ZFAND3: variants seen among roughly 807,000 people sequenced by gnomAD.
ZFAND3 encodes the protein zinc finger AN1-type containing 3.
In ZFAND3, 10 loss-of-function variants were observed where a neutral mutation model predicts 29.6. That is an observed-to-expected ratio of 0.34 (90% CI 0.21 to 0.57). The LOEUF (loss-of-function observed/expected upper bound fraction) is 0.57. Ranked by LOEUF, ZFAND3 falls within the 20% of genes least tolerant of loss-of-function variation. The pLI is 0.86. For missense variants in ZFAND3, 230 were observed against 304.5 expected, an observed-to-expected ratio of 0.76 and a Z score of 1.82; for synonymous variants, 128 against 112.6, an observed-to-expected ratio of 1.14 and a Z score of -0.87.
intron 4 of ZFAND3, among the ~76,000 whole-genome samples, chr6:38,103,895 G>A (rs73421810): frequency 0.068 from 10,402 of 152,220 alleles, 427 homozygotes; most frequent in Non-Finnish European, 0.087. Context: ...AAACATCAAT[G>A]CATTGTAATG....
chr6:38,088,751 A>G (rs1447836343), intron 4 of ZFAND3, among the ~76,000 whole-genome samples: 1 of 152,222 alleles, frequency 6.6e-6, no homozygotes, highest in Non-Finnish European at 1.5e-5. Context: ...AGACTTGAAA[A>G]AGGATGGTTA....
intron 2 of ZFAND3, among the ~76,000 whole-genome samples, chr6:38,007,382 CA>C (rs1476729041): frequency 1.3e-5 from 2 of 151,862 alleles, no homozygotes; most frequent in East Asian, 3.9e-4. Context: ...TCCATCTCTA[CA>C]AAAAATACAA....
At chr6:38,144,206 TATATAATATATAATATA>T (rs1766041804) in intron 5 of ZFAND3, among the ~76,000 whole-genome samples, 4 of 44,274 alleles carry the variant, frequency 9.0e-5, no homozygotes, top group East Asian at 6.4e-4. Context: ...TATATATATA[TATATAATATATAATATA>T]TATATATATT....
intron 1 of ZFAND3, among the ~76,000 whole-genome samples, chr6:37,857,327 A>G (rs925239180): frequency 6.6e-6 from 1 of 152,224 alleles, no homozygotes; most frequent in Non-Finnish European, 1.5e-5. Flanking sequence ...GAAACATATA[A>G]CATGATAAAT....
chr6:37,833,126 C>A (rs1198913500), intron 1 of ZFAND3: 1 of 152,164 alleles, frequency 6.6e-6, no homozygotes, highest in Non-Finnish European at 1.5e-5. Flanking sequence ...TGCAGTACTG[C>A]CCAGAACTCC....
intron 1 of ZFAND3, among the ~76,000 whole-genome samples, chr6:37,841,411 A>G (rs1421031617): frequency 6.6e-6 from 1 of 152,206 alleles, no homozygotes; most frequent in Non-Finnish European, 1.5e-5. Context: ...TGTAGACTCA[A>G]TACATTTACC....
chr6:37,921,576 TATAAG>T (rs1460916485), intron 1 of ZFAND3, among the ~76,000 whole-genome samples: 13 of 152,084 alleles, frequency 8.5e-5, no homozygotes, highest in East Asian at 3.8e-4. Context: ...AGGAAAATAT[TATAAG>T]ATGTTTCCAG....
chr6:37,875,841 T>A (rs897518350), intron 1 of ZFAND3, among the ~76,000 whole-genome samples: 90 of 151,870 alleles, frequency 5.9e-4, no homozygotes, highest in African/African-American at 1.5e-3. Context: ...GATTTTTTTT[T>A]TTTTTTATTG....
At chr6:38,101,244 C>T (rs76069298) in intron 4 of ZFAND3, among the ~76,000 whole-genome samples, 4,048 of 152,214 alleles carry the variant, frequency 0.027, 195 homozygotes, top group African/African-American at 0.091. Flanking sequence ...ATGGAGTTCT[C>T]TTTTTTTATA....
chr6:37,922,583 A>G (rs1285390816), intron 1 of ZFAND3, among the ~76,000 whole-genome samples: 1 of 152,216 alleles, frequency 6.6e-6, no homozygotes, highest in East Asian at 1.9e-4. Flanking sequence ...CATTGTGGAA[A>G]CAAATGTTGA....
At chr6:37,955,407 C>G (rs775431560) in intron 2 of ZFAND3, among the ~76,000 whole-genome samples, 16 of 152,156 alleles carry the variant, frequency 1.1e-4, no homozygotes, top group Non-Finnish European at 2.1e-4. Context: ...TTTTAAGGGA[C>G]TTTCCGCTGT....
chr6:38,109,244 G>A (rs551424113), intron 4 of ZFAND3, among the ~76,000 whole-genome samples: 3 of 149,044 alleles, frequency 2.0e-5, no homozygotes, highest in East Asian at 2.0e-4. Flanking sequence ...GTGCAATGGC[G>A]CGATCTTGGC....
intron 2 of ZFAND3, among the ~76,000 whole-genome samples, chr6:37,955,413 G>A (rs762866509): frequency 3.3e-5 from 5 of 152,262 alleles, no homozygotes; most frequent in South Asian, 2.1e-4. Context: ...GGGACTTTCC[G>A]CTGTCCTGTC....
intron 1 of ZFAND3, among the ~76,000 whole-genome samples, chr6:37,902,825 T>G (rs1016563964): frequency 6.7e-6 from 1 of 149,922 alleles, no homozygotes; most frequent in Admixed American, 6.7e-5. Context: ...GTGATTCTCC[T>G]GCTTCGGCTT....
At chr6:37,885,966 G>T (rs1018177822) in intron 1 of ZFAND3, among the ~76,000 whole-genome samples, 1 of 151,970 alleles carries the variant, frequency 6.6e-6, no homozygotes, top group African/African-American at 2.4e-5. Context: ...GGCCAGGTGC[G>T]GTGGCTTATG....
At chr6:37,972,928 G>A (rs533987201) in intron 2 of ZFAND3, among the ~76,000 whole-genome samples, 16 of 152,160 alleles carry the variant, frequency 1.1e-4, no homozygotes, top group African/African-American at 3.9e-4. Flanking sequence ...AATTATTCAT[G>A]CAATTTGCCA....
intron 4 of ZFAND3, among the ~76,000 whole-genome samples, chr6:38,105,398 C>G (rs140552244): frequency 9.2e-4 from 140 of 152,224 alleles, no homozygotes; most frequent in African/African-American, 3.0e-3. Context: ...GAGCAAGACC[C>G]AGTCTATTAA....
chr6:37,859,261 A>G (rs1471735398), intron 1 of ZFAND3, among the ~76,000 whole-genome samples: 1 of 152,248 alleles, frequency 6.6e-6, no homozygotes, highest in African/African-American at 2.4e-5. Context: ...CTGAACAGAG[A>G]AAATTTATGT....
At chr6:37,826,343 C>G (rs1362122916) in intron 1 of ZFAND3, among the ~76,000 whole-genome samples, 1 of 152,126 alleles carries the variant, frequency 6.6e-6, no homozygotes, top group Non-Finnish European at 1.5e-5. Context: ...TGAGGAACAG[C>G]GATCCTGCTC....
Sources: gnomAD v4.1 joint callset for allele counts (sites outside exome capture counted in the v4.1 genomes callset) on GRCh38, gnomAD v4.1.1 for gene constraint, MANE v1.5 for transcripts, NCBI Gene and HGNC (gene_info 2026-07-23, HGNC 2026-07-21) for gene names.